The following LITAF variants were observed in gnomAD, a reference collection of about 807,000 sequenced individuals.
The protein encoded by LITAF is lipopolysaccharide-induced tumor necrosis factor-alpha factor.
LITAF carries 9 observed loss-of-function variants against 14.5 expected under a neutral mutation model. That is an observed-to-expected ratio of 0.62 (90% CI 0.37 to 1.08). The LOEUF is 1.08. LITAF is among the 50% of genes least tolerant of loss of function. The pLI, the probability that LITAF is intolerant of heterozygous loss-of-function variation, is 0.01. For synonymous variants in LITAF, 98 were observed against 88.2 expected (o/e 1.11, Z -0.62); for missense variants, 206 against 213.4 (o/e 0.97, Z 0.22).
At chr16:11,637,805 T>C (rs1161131045), upstream of LITAF, among the ~76,000 whole-genome samples, 16 of 147,436 alleles carry the variant, frequency 1.1e-4, no homozygotes, top group African/African-American at 4.0e-4. Context: ...CACTTGGCCC[T>C]AGGAGTTTGA....
At chr16:11,616,915 A>G (rs975431518) in intron 3 of LITAF, among the ~76,000 whole-genome samples, 8 of 150,782 alleles carry the variant, frequency 5.3e-5, no homozygotes, top group Non-Finnish European at 1.2e-4. Flanking sequence ...CTATCTCAAA[A>G]AAAAAAAAAA....
upstream of LITAF, among the ~76,000 whole-genome samples, chr16:11,638,080 ATATC>A (rs770980615): frequency 6.1e-3 from 539 of 88,708 alleles, 89 homozygotes; most frequent in East Asian, 0.083. Context: ...ATATATATCT[ATATC>A]TATCTATCTA....
chr16:11,571,995 G>A (rs1412920351), intron 1 of LITAF, among the ~76,000 whole-genome samples: 1 of 151,994 alleles, frequency 6.6e-6, no homozygotes, highest in Non-Finnish European at 1.5e-5. Context: ...GGGCTGAGGT[G>A]GGAGAATCAC....
intron 1 of LITAF, among the ~76,000 whole-genome samples, chr16:11,583,442 A>T (rs548167671): frequency 6.6e-6 from 1 of 152,236 alleles, no homozygotes; most frequent in East Asian, 1.9e-4. Context: ...GTGCAAGGAG[A>T]TCATTAATAA....
chr16:11,570,159 GA>G (rs149045970), intron 1 of LITAF, among the ~76,000 whole-genome samples: 4,763 of 152,258 alleles, frequency 0.031, 236 homozygotes, highest in African/African-American at 0.11. Context: ...AAATGGGGGT[GA>G]GTTGCCAAAT....
chr16:11,633,755 A>T (rs942977792), intron 2 of LITAF: 1 of 152,186 alleles, frequency 6.6e-6, no homozygotes, highest in Non-Finnish European at 1.5e-5. Flanking sequence ...CTGTCTAAGG[A>T]GTGGCCATTC....
intron 3 of LITAF, among the ~76,000 whole-genome samples, chr16:11,550,601 G>T (rs369270254): frequency 1.4e-4 from 22 of 152,278 alleles, no homozygotes; most frequent in African/African-American, 5.3e-4. Context: ...TCTTAGATGG[G>T]CTTGGTGAAC....
At chr16:11,565,121 C>T (rs565691112) in intron 1 of LITAF, among the ~76,000 whole-genome samples, 42 of 150,064 alleles carry the variant, frequency 2.8e-4, no homozygotes, top group South Asian at 1.3e-3. Flanking sequence ...CTCGCTCCGT[C>T]GCTCAGGCTG....
At chr16:11,565,227 T>A (rs35765571) in intron 1 of LITAF, among the ~76,000 whole-genome samples, 1 of 151,400 alleles carries the variant, frequency 6.6e-6, no homozygotes, top group Non-Finnish European at 1.5e-5. Context: ...GGATTACAGG[T>A]GCCTGCCACC....
chr16:11,549,492 A>G lies in LITAF; in HGVS notation c.*145T>C. The G allele has an allele frequency of 1.4e-6, 1 of 702,550 alleles. No individual in the cohort carries two copies. Among genetic ancestry groups the G allele is most frequent in the South Asian group, 1.5e-5 (1 of 66,840 alleles). 43.5% of individuals were successfully genotyped at this position (702,550 alleles called of 1,614,324 possible). On this transcript the variant is annotated 3_prime_UTR_variant, in exon 4 of 4. Coordinates refer to ENST00000622633, the MANE Select transcript of LITAF (RefSeq NM_001136472.2). The surrounding 1 kb of genome is among the most constrained non-coding windows in gnomAD (Gnocchi z 4.6). ...GGTTTGGAGATTTGTTAGTTTTGCG[A>G]CGTATTCCCCCCAAAAGAAGACATG...
At chr16:11,613,595 C>G (rs145857653) in intron 3 of LITAF, among the ~76,000 whole-genome samples, 2 of 152,290 alleles carry the variant, frequency 1.3e-5, no homozygotes, top group African/African-American at 4.8e-5. Context: ...TATGAAAGCT[C>G]CCAGAGGGTG....
chr16:11,577,471 C>T (rs2064658165), intron 1 of LITAF, among the ~76,000 whole-genome samples: 1 of 151,990 alleles, frequency 6.6e-6, no homozygotes, highest in Admixed American at 6.6e-5. Context: ...GCACCCACCA[C>T]CACGCCCGGC....
At chr16:11,631,279 A>G (rs2065116626) in intron 3 of LITAF, among the ~76,000 whole-genome samples, 1 of 152,202 alleles carries the variant, frequency 6.6e-6, no homozygotes, top group African/African-American at 2.4e-5. Flanking sequence ...CTTGAAATCA[A>G]AATGTCATCA....
At chr16:11,614,963 C>T (rs374628629) in intron 3 of LITAF, among the ~76,000 whole-genome samples, 48 of 152,334 alleles carry the variant, frequency 3.2e-4, no homozygotes, top group Middle Eastern at 3.4e-3. Context: ...CTGTGGCCCG[C>T]TGTCAGATGG....
chr16:11,548,116 G>A lies in LITAF; in HGVS notation c.*1521C>T, dbSNP rs1264437937. The A allele has an allele frequency of 2.2e-6, 1 of 454,028 alleles. No homozygotes were observed. The highest frequency in any genetic ancestry group is 2.3e-5 in the Admixed American group (1 of 42,568). 28.1% of individuals were successfully genotyped at this position (454,028 alleles called of 1,614,324 possible). On this transcript the variant is annotated 3_prime_UTR_variant, in exon 4 of 4. Coordinates refer to ENST00000622633, the MANE Select transcript of LITAF (RefSeq NM_001136472.2). ...GAATTTTCCAAACATCAAATGAAGGGGGATCAATGGTTACCACTATCGTTT... is the reference window on the plus strand; with the variant it reads ...GAATTTTCCAAACATCAAATGAAGGAGGATCAATGGTTACCACTATCGTTT...
intron 3 of LITAF, among the ~76,000 whole-genome samples, chr16:11,614,043 T>C (rs2065001148): frequency 6.6e-6 from 1 of 152,194 alleles, no homozygotes; most frequent in Non-Finnish European, 1.5e-5. Context: ...GTGGAGCCGT[T>C]GTGCCCATTG....
upstream of LITAF, among the ~76,000 whole-genome samples, chr16:11,638,032 CTATATA>C (rs1217060542): frequency 4.8e-5 from 4 of 83,424 alleles, no homozygotes; most frequent in African/African-American, 3.2e-4. Flanking sequence ...ATCTATATAT[CTATATA>C]TATCTATATA....
At chr16:11,552,661 C>T (rs371017475) in intron 3 of LITAF, among the ~76,000 whole-genome samples, 12 of 152,296 alleles carry the variant, frequency 7.9e-5, no homozygotes, top group African/African-American at 2.6e-4. Context: ...AGACCAATTT[C>T]TGGGGACGGA....
chr16:11,626,447 G>T (rs763257179), intron 3 of LITAF, among the ~76,000 whole-genome samples: 27 of 148,002 alleles, frequency 1.8e-4, no homozygotes, highest in Non-Finnish European at 3.2e-4. Context: ...GGGTTCAAGG[G>T]ATTCTTCTGC....
Sources: gnomAD v4.1 joint callset for allele counts (sites outside exome capture counted in the v4.1 genomes callset) on GRCh38, gnomAD v4.1.1 for gene constraint, Gnocchi (gnomAD v3.1) non-coding constraint, MANE v1.5 for transcripts, NCBI Gene and HGNC (gene_info 2026-07-23, HGNC 2026-07-21) for gene names.